PIK3C2G: variants seen among roughly 807,000 people sequenced by gnomAD.
PIK3C2G encodes the protein phosphatidylinositol 3-kinase C2 domain-containing subunit gamma.
PIK3C2G carries 168 observed loss-of-function variants against 181.1 expected under a neutral mutation model. The ratio of observed to expected loss-of-function variants is 0.93; its 90% CI spans 0.82 to 1.05. The LOEUF (loss-of-function observed/expected upper bound fraction) is 1.05, where lower values mean the gene tolerates loss of function less well. PIK3C2G is among the 50% of genes least tolerant of loss of function. The pLI is 0.00. For missense variants in PIK3C2G, 1,869 were observed against 1,732.8 expected (o/e 1.08, Z -1.40); for synonymous variants, 573 against 592.2 (o/e 0.97, Z 0.47).
chr12:18,438,126 A>T (rs535736217), intron 18 of PIK3C2G, among the ~76,000 whole-genome samples: 1 of 152,002 alleles, frequency 6.6e-6, no homozygotes, highest in Non-Finnish European at 1.5e-5. Context: ...TCAATAAATT[A>T]ATTTTAAACA....
At chr12:18,362,973 T>TAA (rs59381069) in intron 12 of PIK3C2G, 87 bp downstream of exon 12, 2 of 996,638 alleles carry the variant, frequency 2.0e-6, no homozygotes, top group Non-Finnish European at 2.8e-6. Context: ...GGATGTAATT[T>TAA]AAAAAAAATA....
chr12:18,372,593 A>G (rs564771593), intron 13 of PIK3C2G: 1 of 152,298 alleles, frequency 6.6e-6, no homozygotes, highest in South Asian at 2.1e-4. Flanking sequence ...TTAAAGTTTT[A>G]CCTGCAGTAT....
intron 6 of PIK3C2G, among the ~76,000 whole-genome samples, chr12:18,318,988 G>A (rs545398156): frequency 3.9e-5 from 6 of 152,000 alleles, no homozygotes; most frequent in Admixed American, 6.6e-5. Flanking sequence ...AGGATGCTGA[G>A]GCACAAGAAT....
At chr12:18,422,202 A>G (rs1945525714) in intron 17 of PIK3C2G, among the ~76,000 whole-genome samples, 1 of 152,114 alleles carries the variant, frequency 6.6e-6, no homozygotes, top group African/African-American at 2.4e-5. Context: ...TGTGCACACA[A>G]TCTAACACAG....
intron 22 of PIK3C2G, among the ~76,000 whole-genome samples, chr12:18,501,030 C>T (rs2136104649): frequency 6.6e-6 from 1 of 152,104 alleles, no homozygotes; most frequent in South Asian, 2.1e-4. Context: ...ACCACGAACC[C>T]ACCAGAAGGA....
chr12:18,641,743 C>CTTTTTT (rs11285609), intron 32 of PIK3C2G, among the ~76,000 whole-genome samples: 2,668 of 93,076 alleles, frequency 0.029, 147 homozygotes, highest in African/African-American at 0.03. Flanking sequence ...CTCTCTCAAG[C>CTTTTTT]TTTTTTTTTT....
At chr12:18,308,566 A>G (rs921423856) in intron 5 of PIK3C2G, among the ~76,000 whole-genome samples, 1 of 151,414 alleles carries the variant, frequency 6.6e-6, no homozygotes, top group Non-Finnish European at 1.5e-5. Flanking sequence ...GACTTGCTGT[A>G]TTAACACTCT....
chr12:18,380,613 T>C (rs978408856), intron 13 of PIK3C2G, among the ~76,000 whole-genome samples: 3 of 152,156 alleles, frequency 2.0e-5, no homozygotes, highest in Non-Finnish European at 2.9e-5. Context: ...AGATTTTCTC[T>C]AGATAAGGGA....
intron 18 of PIK3C2G, among the ~76,000 whole-genome samples, chr12:18,431,102 T>G (rs1946131553): frequency 6.6e-6 from 1 of 152,134 alleles, no homozygotes; most frequent in Non-Finnish European, 1.5e-5. Context: ...CTCTCCACAA[T>G]ACGTATCCCC....
chr12:18,639,036 T>C (rs989557446), intron 31 of PIK3C2G, among the ~76,000 whole-genome samples: 1 of 151,604 alleles, frequency 6.6e-6, no homozygotes, highest in Non-Finnish European at 1.5e-5. Flanking sequence ...ATACCATTGA[T>C]AGATTTCAGT....
At chr12:18,671,582 CAGGTGT>C in the PIK3C2G span, among the ~76,000 whole-genome samples, 1 of 152,076 alleles carries the variant, frequency 6.6e-6, no homozygotes, top group Non-Finnish European at 1.5e-5. Flanking sequence ...TTTGATTTCT[CAGGTGT>C]ACTAGGCACA....
intron 24 of PIK3C2G, among the ~76,000 whole-genome samples, chr12:18,535,941 C>T (rs1325401109): frequency 7.0e-6 from 1 of 142,310 alleles, no homozygotes; most frequent in Non-Finnish European, 1.5e-5. Context: ...GGGAACATCA[C>T]ACACCAGGGC....
At chr12:18,652,283 C>T (rs1021203818), downstream of PIK3C2G, among the ~76,000 whole-genome samples, 23 of 152,014 alleles carry the variant, frequency 1.5e-4, no homozygotes, top group Middle Eastern at 3.2e-3. Context: ...GACTGATATA[C>T]TTATGAAAGG....
intron 18 of PIK3C2G, among the ~76,000 whole-genome samples, chr12:18,458,615 A>G (rs1201448735): frequency 6.6e-6 from 1 of 152,148 alleles, no homozygotes; most frequent in African/African-American, 2.4e-5. Context: ...ATTGTGTTAC[A>G]TTATATGGCA....
At chr12:18,330,756 C>A (rs766337279) in intron 8 of PIK3C2G, among the ~76,000 whole-genome samples, 3 of 152,110 alleles carry the variant, frequency 2.0e-5, no homozygotes, top group African/African-American at 7.2e-5. Flanking sequence ...CAATTGTAAT[C>A]ATTCTAATAT....
chr12:18,360,461 AG>A (rs1941136130), intron 11 of PIK3C2G, among the ~76,000 whole-genome samples: 1 of 152,040 alleles, frequency 6.6e-6, no homozygotes, highest in Admixed American at 6.6e-5. Flanking sequence ...TTTACCGGTG[AG>A]TTTTATAGTT....
At chr12:18,436,262 G>T (rs1365185330) in intron 18 of PIK3C2G, among the ~76,000 whole-genome samples, 1 of 151,984 alleles carries the variant, frequency 6.6e-6, no homozygotes, top group East Asian at 1.9e-4. Flanking sequence ...TCCTCAGTTA[G>T]AAAATTTTTC....
At chr12:18,575,863 T>C (rs1216103008) in intron 29 of PIK3C2G, among the ~76,000 whole-genome samples, 2 of 152,198 alleles carry the variant, frequency 1.3e-5, no homozygotes, top group African/African-American at 4.8e-5. Context: ...TACCAATGTT[T>C]ATTAGTGTTT....
At chr12:18,283,337 T>A (rs1319193767) in intron 2 of PIK3C2G, among the ~76,000 whole-genome samples, 1 of 151,900 alleles carries the variant, frequency 6.6e-6, no homozygotes, top group Non-Finnish European at 1.5e-5. Flanking sequence ...GTAACCAGAG[T>A]TTTTTCTGTA....
Sources: gnomAD v4.1 joint callset for allele counts (sites outside exome capture counted in the v4.1 genomes callset) on GRCh38, gnomAD v4.1.1 for gene constraint, MANE v1.5 for transcripts, NCBI Gene and HGNC (gene_info 2026-07-23, HGNC 2026-07-21) for gene names.